Variants in CPA6 observed in about 807,000 individuals in gnomAD.
CPA6 encodes carboxypeptidase B.
CPA6 carries 58 observed loss-of-function variants against 63.3 expected under a neutral mutation model. The observed-to-expected ratio is 0.92, with a 90% CI of 0.74 to 1.14. The LOEUF (loss-of-function observed/expected upper bound fraction) is 1.14, where lower values mean the gene tolerates loss of function less well. Ranked by LOEUF, CPA6 falls within the 50% of genes most tolerant of loss-of-function variation. The pLI, the probability that CPA6 is intolerant of heterozygous loss-of-function variation, is 0.00. For synonymous variants in CPA6, 185 were observed against 179.0 expected, an observed-to-expected ratio of 1.03 and a Z score of -0.27; for missense variants, 565 against 526.6, an observed-to-expected ratio of 1.07 and a Z score of -0.71.
chr8:67,499,146 G>T (rs1220248054), intron 6 of CPA6, among the ~76,000 whole-genome samples: 1 of 152,158 alleles, frequency 6.6e-6, no homozygotes, highest in Non-Finnish European at 1.5e-5. Flanking sequence ...GACATCCACA[G>T]ATCACTCTAC....
chr8:67,653,191 T>C (rs368106446), intron 1 of CPA6, among the ~76,000 whole-genome samples: 1 of 151,332 alleles, frequency 6.6e-6, no homozygotes, highest in Non-Finnish European at 1.5e-5. Flanking sequence ...TCCAGCTTTG[T>C]TCTTTTGGCT....
chr8:67,577,410 C>T (rs1218875265), intron 2 of CPA6, among the ~76,000 whole-genome samples: 2 of 152,168 alleles, frequency 1.3e-5, no homozygotes, highest in Admixed American at 1.3e-4. Flanking sequence ...GTAGTAAATT[C>T]ATCTCCCCAT....
At chr8:67,629,302 G>C (rs190810487) in intron 1 of CPA6, among the ~76,000 whole-genome samples, 3 of 150,736 alleles carry the variant, frequency 2.0e-5, no homozygotes, top group Non-Finnish European at 4.4e-5. Context: ...CCCTGTCTCC[G>C]CAAAAATAAA....
At chr8:67,655,696 A>G (rs1815967155) in intron 1 of CPA6, among the ~76,000 whole-genome samples, 1 of 152,048 alleles carries the variant, frequency 6.6e-6, no homozygotes, top group African/African-American at 2.4e-5. Flanking sequence ...AGGAGGGGTG[A>G]GCTTAGCTGG....
chr8:67,612,693 A>G (rs968815243), intron 2 of CPA6, among the ~76,000 whole-genome samples: 1 of 152,200 alleles, frequency 6.6e-6, no homozygotes. Context: ...GGAAAACAAA[A>G]TGGTAGAAAA....
At chr8:67,695,239 C>T (rs1305466251) in intron 1 of CPA6, among the ~76,000 whole-genome samples, 1 of 152,148 alleles carries the variant, frequency 6.6e-6, no homozygotes, top group African/African-American at 2.4e-5. Context: ...GGCAGGGATG[C>T]AGGCTAGGCC....
chr8:67,677,888 A>G (rs927009264), intron 1 of CPA6, among the ~76,000 whole-genome samples: 3 of 152,034 alleles, frequency 2.0e-5, no homozygotes, highest in African/African-American at 7.3e-5. Flanking sequence ...AAAAAAAAAA[A>G]AGAATATCTT....
chr8:67,456,863 T>C (rs12682102), intron 8 of CPA6, among the ~76,000 whole-genome samples: 17,929 of 152,210 alleles, frequency 0.12, 1,135 homozygotes, highest in East Asian at 0.23. Flanking sequence ...AAGAGAAGGC[T>C]ATGAGACAGC....
intron 1 of CPA6, among the ~76,000 whole-genome samples, chr8:67,673,390 T>TA (rs1248669612): frequency 6.2e-4 from 62 of 99,626 alleles, no homozygotes; most frequent in African/African-American, 3.9e-3. Flanking sequence ...ATTTATTTAT[T>TA]TTTTTTTTTT....
chr8:67,594,639 A>G (rs554397242), intron 2 of CPA6, among the ~76,000 whole-genome samples: 106 of 152,064 alleles, frequency 7.0e-4, no homozygotes, highest in African/African-American at 2.4e-3. Flanking sequence ...TTCATCTTCC[A>G]TCACTGATAC....
intron 3 of CPA6, among the ~76,000 whole-genome samples, chr8:67,515,293 C>T (rs770360762): frequency 6.6e-6 from 1 of 152,182 alleles, no homozygotes; most frequent in Non-Finnish European, 1.5e-5. Context: ...CTGCACTTCT[C>T]CTAGATTTTC....
intron 1 of CPA6, among the ~76,000 whole-genome samples, chr8:67,743,972 C>T (rs564865329): frequency 3.3e-5 from 5 of 152,292 alleles, no homozygotes; most frequent in African/African-American, 7.2e-5. Context: ...ATGGATGAAA[C>T]CAGCCAAAAA....
At chr8:67,693,449 A>G (rs1047648085) in intron 1 of CPA6, among the ~76,000 whole-genome samples, 3 of 152,368 alleles carry the variant, frequency 2.0e-5, no homozygotes, top group Admixed American at 2.0e-4. Context: ...GCAAGCATCA[A>G]AAATTATTTG....
At chr8:67,687,450 A>G (rs1388988551) in intron 1 of CPA6, among the ~76,000 whole-genome samples, 2 of 152,206 alleles carry the variant, frequency 1.3e-5, no homozygotes, top group East Asian at 3.9e-4. Flanking sequence ...ATTAAAAAGC[A>G]AGAGCTTTGG....
chr8:67,713,040 T>C (rs947218392), intron 1 of CPA6, among the ~76,000 whole-genome samples: 25 of 146,372 alleles, frequency 1.7e-4, no homozygotes, highest in African/African-American at 5.8e-4. Flanking sequence ...TACTTTCTAA[T>C]GTACACATTA....
chr8:67,589,840 T>C (rs534989169), intron 2 of CPA6, among the ~76,000 whole-genome samples: 1 of 152,146 alleles, frequency 6.6e-6, no homozygotes, highest in South Asian at 2.1e-4. Context: ...ATTATAGCAA[T>C]TGCTTTTTTG....
chr8:67,637,610 A>G (rs569763893), intron 1 of CPA6, among the ~76,000 whole-genome samples: 1 of 151,644 alleles, frequency 6.6e-6, no homozygotes, highest in East Asian at 1.9e-4. Context: ...GTGTGAGGAA[A>G]AGGGAAAGGA....
At chr8:67,457,871 C>T (rs1024270704) in intron 8 of CPA6, among the ~76,000 whole-genome samples, 2 of 152,180 alleles carry the variant, frequency 1.3e-5, no homozygotes, top group African/African-American at 4.8e-5. Flanking sequence ...CATTCCCTCC[C>T]CATCTCTTTG....
At chr8:67,661,109 A>G (rs779683011) in intron 1 of CPA6, among the ~76,000 whole-genome samples, 4 of 152,258 alleles carry the variant, frequency 2.6e-5, no homozygotes, top group African/African-American at 4.8e-5. Flanking sequence ...GTGAAAGATG[A>G]TGAAGAACAA....
Sources: allele counts gnomAD v4.1 joint callset (sites outside exome capture counted in the v4.1 genomes callset), GRCh38; gene constraint gnomAD v4.1.1; transcripts MANE v1.5; gene names NCBI Gene and HGNC (gene_info 2026-07-23, HGNC 2026-07-21).